The following TTC28 variants were observed in gnomAD, a reference collection of about 807,000 sequenced individuals.
TTC28 encodes the protein tetratricopeptide repeat protein 28.
A neutral mutation model predicts 198.0 loss-of-function variants in TTC28; 61 were observed. The observed-to-expected ratio is 0.31, with a 90% CI of 0.25 to 0.38. TTC28 has a LOEUF of 0.38. Ranked by LOEUF, TTC28 falls within the 10% of genes least tolerant of loss-of-function variation. The probability of loss-of-function intolerance (pLI) is 1.00; values close to 1 mark genes in which losing one functional copy is unlikely to be tolerated. For missense variants in TTC28, 2,678 were observed against 3,164.0 expected (o/e 0.85, Z 3.69); for synonymous variants, 1,171 against 1,297.8 (o/e 0.90, Z 2.10).
chr22:28,139,968 T>A (rs1225909660), intron 6 of TTC28, among the ~76,000 whole-genome samples: 1 of 152,182 alleles, frequency 6.6e-6, no homozygotes, highest in Non-Finnish European at 1.5e-5. Flanking sequence ...CTGCCATGTG[T>A]CAGCAGCTCC....
intron 2 of TTC28, among the ~76,000 whole-genome samples, chr22:28,522,580 A>ATTGG (rs1315386605): frequency 5.9e-5 from 9 of 151,806 alleles, no homozygotes; most frequent in African/African-American, 2.2e-4. Context: ...TAGAACTGAA[A>ATTGG]AACAACTACT....
intron 6 of TTC28, among the ~76,000 whole-genome samples, chr22:28,136,899 C>G (rs1487977809): frequency 5.3e-5 from 8 of 152,126 alleles, no homozygotes; most frequent in Non-Finnish European, 1.0e-4. Flanking sequence ...GCCGAGGAAG[C>G]TGGAAAACTT....
intron 1 of TTC28, among the ~76,000 whole-genome samples, chr22:28,663,651 C>G (rs1191068828): frequency 7.4e-6 from 1 of 134,840 alleles, no homozygotes; most frequent in Admixed American, 7.5e-5. Context: ...GTCCTACGCC[C>G]ACGGAATCTC....
chr22:28,353,593 A>C (rs1316625771), intron 2 of TTC28, among the ~76,000 whole-genome samples: 1 of 152,230 alleles, frequency 6.6e-6, no homozygotes, highest in Non-Finnish European at 1.5e-5. Context: ...AAGACCATTC[A>C]ATGAAGAAAG....
intron 1 of TTC28, among the ~76,000 whole-genome samples, chr22:28,645,961 C>A (rs1298294627): frequency 6.6e-6 from 1 of 151,976 alleles, no homozygotes; most frequent in Non-Finnish European, 1.5e-5. Flanking sequence ...TTACAGTCAA[C>A]AACATACTGA....
intron 5 of TTC28, among the ~76,000 whole-genome samples, chr22:28,187,704 T>C (rs1924331363): frequency 6.6e-6 from 1 of 152,126 alleles, no homozygotes; most frequent in Non-Finnish European, 1.5e-5. Context: ...GTTAGGTACT[T>C]GAGAGCAATC....
At chr22:28,509,543 G>A (rs777852878) in intron 2 of TTC28, among the ~76,000 whole-genome samples, 2 of 152,078 alleles carry the variant, frequency 1.3e-5, no homozygotes, top group African/African-American at 4.8e-5. Flanking sequence ...GTGTTAAGAG[G>A]GAAATGTATA....
intron 6 of TTC28, among the ~76,000 whole-genome samples, chr22:28,121,297 T>A: frequency 6.6e-6 from 1 of 152,254 alleles, no homozygotes; most frequent in South Asian, 2.1e-4. Flanking sequence ...TGGTTCACAG[T>A]GAACCTCAAC....
In TTC28 at chr22:28,176,377, G is replaced by A. The variant is rs576454670; in HGVS notation, c.934-12778C>T. On this transcript the variant is annotated intron_variant, in intron 5 of 22. Transcript: ENST00000397906. The stretch of plus-strand genomic sequence containing the variant: ...CTGAAAAAAAAAAGTTGGTATTATA[G>A]AAGCAGAGAGTAGAACAGTCCTTGC... Among the ~76,000 whole-genome samples the A allele has an allele frequency of 3.2e-4, 49 of 152,154 alleles. No homozygotes were observed. The South Asian group carries it at 4.6e-3, about 14-fold the overall frequency.
chr22:28,247,917 A>G (rs1467353490), intron 5 of TTC28, among the ~76,000 whole-genome samples: 1 of 152,196 alleles, frequency 6.6e-6, no homozygotes, highest in Non-Finnish European at 1.5e-5. Context: ...AGGTAGGCAC[A>G]TGGTCAGATT....
chr22:28,089,715 A>G (rs187667317), intron 12 of TTC28, among the ~76,000 whole-genome samples: 2 of 150,924 alleles, frequency 1.3e-5, no homozygotes, highest in Non-Finnish European at 3.0e-5. Context: ...TAAAAAAAAT[A>G]AAGGTTTTCA....
intron 1 of TTC28, among the ~76,000 whole-genome samples, chr22:28,655,274 A>C (rs945192147): frequency 6.6e-6 from 1 of 152,158 alleles, no homozygotes; most frequent in African/African-American, 2.4e-5. Context: ...TAGTATATCA[A>C]CATATCTTAG....
intron 2 of TTC28, among the ~76,000 whole-genome samples, chr22:28,532,590 C>G (rs1201407499): frequency 6.6e-6 from 1 of 152,142 alleles, no homozygotes; most frequent in Non-Finnish European, 1.5e-5. Context: ...CAAAGCCTGG[C>G]AGAGACACAA....
intron 2 of TTC28, among the ~76,000 whole-genome samples, chr22:28,395,470 A>G (rs1004172364): frequency 6.6e-6 from 1 of 152,060 alleles, no homozygotes; most frequent in African/African-American, 2.4e-5. Context: ...CAACTCTACT[A>G]AAAATACAAA....
At chr22:28,620,500 A>C (rs2050977515) in intron 2 of TTC28, among the ~76,000 whole-genome samples, 1 of 152,246 alleles carries the variant, frequency 6.6e-6, no homozygotes, top group African/African-American at 2.4e-5. Flanking sequence ...TACAGACAAA[A>C]GCAGAGCTTT....
chr22:28,586,150 G>A (rs1228362646), intron 2 of TTC28, among the ~76,000 whole-genome samples: 4 of 151,660 alleles, frequency 2.6e-5, no homozygotes, highest in African/African-American at 9.7e-5. Flanking sequence ...GTGGTGGTGG[G>A]CGCCTGTAGT....
At chr22:27,993,256 C>T (rs1275166521) in intron 18 of TTC28, 31 bp downstream of exon 18, 1 of 1,474,826 alleles carries the variant, frequency 6.8e-7, no homozygotes, top group Non-Finnish European at 9.0e-7. Context: ...TCAGCCAGGC[C>T]TGTTGCCCCA....
chr22:28,390,772 A>C (rs2046704855), intron 2 of TTC28, among the ~76,000 whole-genome samples: 1 of 152,162 alleles, frequency 6.6e-6, no homozygotes, highest in Admixed American at 6.5e-5. Context: ...AATACGGCAC[A>C]CTGATGGGTC....
chr22:28,231,758 A>G (rs1403398804), intron 5 of TTC28, among the ~76,000 whole-genome samples: 5 of 152,274 alleles, frequency 3.3e-5, no homozygotes, highest in Non-Finnish European at 7.3e-5. Flanking sequence ...AAAGAATCAA[A>G]GTCAAACATC....
Sources: gnomAD v4.1 joint callset for allele counts (sites outside exome capture counted in the v4.1 genomes callset) on GRCh38, gnomAD v4.1.1 for gene constraint, MANE v1.5 for transcripts, NCBI Gene and HGNC (gene_info 2026-07-23, HGNC 2026-07-21) for gene names.